Variants in TRIM9 observed in about 807,000 individuals in gnomAD.
TRIM9 encodes the protein tripartite motif containing 9.
Under a neutral mutation model 78.3 loss-of-function variants are expected in TRIM9, and 26 were observed. The ratio of observed to expected loss-of-function variants is 0.33; its 90% CI spans 0.24 to 0.46. The LOEUF (loss-of-function observed/expected upper bound fraction) is 0.46, where lower values mean the gene tolerates loss of function less well. TRIM9 is among the 20% of genes least tolerant of loss of function. The probability of loss-of-function intolerance (pLI) is 1.00; values close to 1 mark genes in which losing one functional copy is unlikely to be tolerated. For missense variants in TRIM9, 787 were observed against 1,036.4 expected, an observed-to-expected ratio of 0.76 and a Z score of 3.30; for synonymous variants, 398 against 416.5, an observed-to-expected ratio of 0.96 and a Z score of 0.54.
intron 5 of TRIM9, among the ~76,000 whole-genome samples, chr14:51,007,434 G>A (rs2055962035): frequency 6.6e-6 from 1 of 152,194 alleles, no homozygotes; most frequent in African/African-American, 2.4e-5. Flanking sequence ...AATATTAAGA[G>A]ATGAATTCAC....
chr14:50,977,910 A>G (rs56158068), intron 12 of TRIM9, among the ~76,000 whole-genome samples: 3,484 of 152,258 alleles, frequency 0.023, 98 homozygotes, highest in African/African-American at 0.069. Context: ...TGCAGTTCTT[A>G]TCCCTGTCTT....
Position 51,094,111 on chromosome 14 carries a change from G to A in TRIM9, c.822+7C>T. 6.2e-7 allele frequency: 1 copy of A among 1,605,826 alleles called. No homozygotes were observed. Among genetic ancestry groups the A allele is most frequent in the Non-Finnish European group, 8.5e-7 (1 of 1,173,776 alleles). ...GGGAGTTAGGAGTGGGTTTTCTTAG[G>A]ACTCACCTTATGTAGTTTCCACATG... On this transcript the variant is annotated splice_region_variant and intron_variant, in intron 1 of 12. Coordinates refer to ENST00000684578, the MANE Select transcript of TRIM9 (RefSeq NM_001387360.1).
chr14:51,049,610 G>A (rs895598314), intron 1 of TRIM9, among the ~76,000 whole-genome samples: 1 of 152,096 alleles, frequency 6.6e-6, no homozygotes, highest in Non-Finnish European at 1.5e-5. Flanking sequence ...GGTGGATCAT[G>A]AGGTCAGGAG....
intron 1 of TRIM9, among the ~76,000 whole-genome samples, chr14:51,029,105 C>T (rs958511666): frequency 6.6e-6 from 1 of 152,170 alleles, no homozygotes; most frequent in South Asian, 2.1e-4. Context: ...AAGACAGTAT[C>T]TTCTTTCCAT....
At chr14:51,013,804 C>T (rs1415721196) in intron 3 of TRIM9, among the ~76,000 whole-genome samples, 1 of 152,046 alleles carries the variant, frequency 6.6e-6, no homozygotes. Context: ...GTTAGGCTTC[C>T]ATTTCTTGGG....
At chr14:51,020,438 C>A (rs770460427) in intron 3 of TRIM9, among the ~76,000 whole-genome samples, 1 of 152,188 alleles carries the variant, frequency 6.6e-6, no homozygotes, top group Non-Finnish European at 1.5e-5. Context: ...GGACAGCCAG[C>A]CACCTGTCTC....
At chr14:50,977,492 G>A (rs1377095171) in intron 12 of TRIM9, 139 bp from the exon 13 acceptor site, 10 of 556,166 alleles carry the variant, frequency 1.8e-5, no homozygotes, top group South Asian at 8.6e-5. Flanking sequence ...GGCATTAAAC[G>A]GAATTCAAGA....
rs1280940194 is a variant in TRIM9 at position 51,085,261 on chromosome 14, G to A, written c.822+8857C>T. 3.9e-5 allele frequency among the ~76,000 whole-genome samples: 6 copies of A among 152,180 alleles called. No homozygotes were observed. The South Asian group carries it at 8.3e-4, about 21-fold the overall frequency. Reference sequence around the variant, plus strand: ...GTCAGTGTCACATGAATAAATCAGCGGTGGATGAGAATTAACCATCTACAT... The same window carrying A: ...GTCAGTGTCACATGAATAAATCAGCAGTGGATGAGAATTAACCATCTACAT... On this transcript the variant is annotated intron_variant, in intron 1 of 12. Transcript: ENST00000684578.
At chr14:51,066,037 C>G (rs2061699206) in intron 1 of TRIM9, among the ~76,000 whole-genome samples, 1 of 144,482 alleles carries the variant, frequency 6.9e-6, no homozygotes, top group African/African-American at 2.6e-5. Flanking sequence ...GCAAGCAGGC[C>G]TGAGCATCTC....
rs182189199 is a variant in TRIM9, at chr14:51,062,831, A to G, written c.822+31287T>C. On this transcript the variant is annotated intron_variant, in intron 1 of 12. Transcript: ENST00000684578. ...TTAACAGTAAAATAAATAAGCAGAG[A>G]TATCTGCATCTGCCAAGTGAAGAGG... 2.8e-4 allele frequency among the ~76,000 whole-genome samples: 43 copies of G among 152,328 alleles called. No homozygotes were observed. The East Asian group carries it at 8.1e-3, about 29-fold the overall frequency.
intron 10 of TRIM9, among the ~76,000 whole-genome samples, chr14:50,982,477 C>T (rs1034687906): frequency 3.3e-5 from 5 of 151,994 alleles, no homozygotes; most frequent in African/African-American, 9.7e-5. Flanking sequence ...ACCCCTGAGG[C>T]GGGGAGGCTA....
At position 51,054,629 on chromosome 14, in the gene TRIM9, G is replaced by A. The variant is rs117359002; in HGVS notation, c.823-29269C>T. On this transcript the variant is annotated intron_variant, in intron 1 of 12. Coordinates refer to ENST00000684578, the MANE Select transcript of TRIM9 (RefSeq NM_001387360.1). Reference sequence around the variant, plus strand: ...GGAGTTTCGCTCTGTCGCCAAGTTGGAGTGCAGTGGCGCGACTCACTGCAA... The same window carrying A: ...GGAGTTTCGCTCTGTCGCCAAGTTGAAGTGCAGTGGCGCGACTCACTGCAA... Among the ~76,000 whole-genome samples, 23 of 151,852 alleles carry A rather than the reference G, an allele frequency of 1.5e-4. No homozygotes were observed. In the East Asian group the frequency reaches 3.7e-3, roughly 24 times the overall value.
At chr14:50,987,719 C>T (rs2139370000) in intron 7 of TRIM9, among the ~76,000 whole-genome samples, 1 of 152,238 alleles carries the variant, frequency 6.6e-6, no homozygotes, top group Admixed American at 6.5e-5. Flanking sequence ...GCACCACAAA[C>T]TGGCATGGGT....
intron 1 of TRIM9, among the ~76,000 whole-genome samples, chr14:51,029,608 A>G (rs1026147190): frequency 2.7e-5 from 4 of 150,776 alleles, no homozygotes; most frequent in Non-Finnish European, 5.9e-5. Context: ...CATTGCTGAC[A>G]TAGTACAATC....
At chr14:51,052,038 G>A (rs1339039561) in intron 1 of TRIM9, among the ~76,000 whole-genome samples, 1 of 133,900 alleles carries the variant, frequency 7.5e-6, no homozygotes, top group African/African-American at 2.9e-5. Context: ...GGGAGGGGAG[G>A]GAAAAGAAGA....
At chr14:51,004,422 C>T (rs145462594) in intron 5 of TRIM9, among the ~76,000 whole-genome samples, 86 of 152,224 alleles carry the variant, frequency 5.6e-4, no homozygotes, top group African/African-American at 1.9e-3. Flanking sequence ...TTCTATCTCA[C>T]ATTTTATTTG....
chr14:51,046,483 G>A (rs1442723752), intron 1 of TRIM9, among the ~76,000 whole-genome samples: 1 of 152,168 alleles, frequency 6.6e-6, no homozygotes, highest in East Asian at 1.9e-4. Flanking sequence ...AGGGATTTCT[G>A]TACATTAATT....
At chr14:51,027,162 G>A (rs1328605155) in intron 1 of TRIM9, among the ~76,000 whole-genome samples, 1 of 50,894 alleles carries the variant, frequency 2.0e-5, no homozygotes, top group Admixed American at 2.4e-4. Flanking sequence ...TTTTTTTTTT[G>A]AGACAGAGTC....
intron 1 of TRIM9, 56 bp from the exon 2 acceptor site, chr14:51,025,416 G>T (rs2139802462): frequency 2.3e-6 from 1 of 431,120 alleles, no homozygotes; most frequent in Non-Finnish European, 3.7e-6. Context: ...CACCAACAAG[G>T]CCAGCGAGAC....
Sources: gnomAD v4.1 joint callset for allele counts (sites outside exome capture counted in the v4.1 genomes callset) on GRCh38, gnomAD v4.1.1 for gene constraint, MANE v1.5 for transcripts, NCBI Gene and HGNC (gene_info 2026-07-23, HGNC 2026-07-21) for gene names.